Variants in NEDD4L observed in about 807,000 individuals in gnomAD.
The protein encoded by NEDD4L is E3 ubiquitin-protein ligase NEDD4-like.
A neutral mutation model predicts 148.9 loss-of-function variants in NEDD4L; 54 were observed. The ratio of observed to expected loss-of-function variants is 0.36; its 90% CI spans 0.29 to 0.45. The LOEUF (loss-of-function observed/expected upper bound fraction) is 0.45, where lower values mean the gene tolerates loss of function less well. NEDD4L is among the 20% of genes least tolerant of loss of function. The pLI is 1.00. For synonymous variants in NEDD4L, 433 were observed against 440.7 expected (o/e 0.98, Z 0.22); for missense variants, 856 against 1,233.8 (o/e 0.69, Z 4.59).
intron 2 of NEDD4L, among the ~76,000 whole-genome samples, chr18:58,169,010 C>T (rs975144584): frequency 2.0e-5 from 3 of 152,078 alleles, no homozygotes; most frequent in African/African-American, 7.2e-5. Context: ...CTTGCCCTTC[C>T]GAGGTGGTGA....
intron 25 of NEDD4L, among the ~76,000 whole-genome samples, chr18:58,384,601 C>T (rs1381071103): frequency 2.6e-5 from 4 of 152,176 alleles, no homozygotes; most frequent in Admixed American, 6.5e-5. Flanking sequence ...AGGGTTCAAA[C>T]GTGGTGGGAG....
In NEDD4L at chr18:58,303,586, A is replaced by G. The variant is rs192011892; in HGVS notation, c.298-12396A>G. 4.6e-3 allele frequency among the ~76,000 whole-genome samples: 706 copies of G among 152,262 alleles called. 17 individuals carry two copies. Among genetic ancestry groups the G allele is most frequent in the Admixed American group, 0.043 (662 of 15,296 alleles). On this transcript the variant is annotated intron_variant, in intron 5 of 30. Coordinates refer to ENST00000400345, the MANE Select transcript of NEDD4L (RefSeq NM_001144967.3). ...TTCCCTGGCAGCCACATAGTGAACT[A>G]TGTCACACTCTCTGTTTTACCCGTT...
At chr18:58,223,932 C>T (rs536406168) in intron 2 of NEDD4L, among the ~76,000 whole-genome samples, 3 of 152,172 alleles carry the variant, frequency 2.0e-5, no homozygotes, top group Non-Finnish European at 4.4e-5. Context: ...CTGTGCCTGG[C>T]CAGGTTTTCT....
chr18:58,242,993 A>G (rs1355686679), intron 2 of NEDD4L, among the ~76,000 whole-genome samples: 1 of 152,166 alleles, frequency 6.6e-6, no homozygotes, highest in Admixed American at 6.5e-5. Flanking sequence ...TGACTTCTTT[A>G]TTACTGCTGG....
intron 1 of NEDD4L, among the ~76,000 whole-genome samples, chr18:58,164,194 G>T (rs1013954292): frequency 6.6e-6 from 1 of 151,946 alleles, no homozygotes; most frequent in Non-Finnish European, 1.5e-5. Flanking sequence ...CCTCTGTAAA[G>T]AAGCCCCTTT....
Position 58,192,294 on chromosome 18 carries a change from A to G in NEDD4L, c.122+26433A>G, listed in dbSNP as rs564709698. Among the ~76,000 whole-genome samples, 65 of 152,334 alleles carry G rather than the reference A, an allele frequency of 4.3e-4. No homozygotes were observed. In the South Asian group the frequency reaches 0.011, roughly 25 times the overall value. ...ATCTTAACATACAGACATTAAATGC[A>G]TTGTTCAAGATCAGAAATGATTTCT... On this transcript the variant is annotated intron_variant, in intron 2 of 30. Transcript: ENST00000400345.
chr18:58,382,988 C>T (rs2146690120), intron 24 of NEDD4L, among the ~76,000 whole-genome samples: 1 of 152,278 alleles, frequency 6.6e-6, no homozygotes, highest in Admixed American at 6.5e-5. Flanking sequence ...TGTTGCTCTT[C>T]ATTATTGCTA....
chr18:58,091,176 C>G (rs1245111012), intron 1 of NEDD4L: 1 of 152,310 alleles, frequency 6.6e-6, no homozygotes, highest in Non-Finnish European at 1.5e-5. Context: ...CAACTCTTCT[C>G]AGACCTCCTG....
Position 58,100,894 on chromosome 18 carries a change from C to T in NEDD4L, c.48+56186C>T, listed in dbSNP as rs558841963. 4.6e-5 allele frequency among the ~76,000 whole-genome samples: 7 copies of T among 152,286 alleles called. 1 individual carries two copies. In the South Asian group the frequency reaches 1.2e-3, roughly 27 times the overall value. ...CGAATATGGCTCACTGCAGCCTTGA[C>T]CTCCTTGCTCAAGTGACCCTCTAGC... On this transcript the variant is annotated intron_variant, in intron 1 of 30. Transcript: ENST00000400345.
At chr18:58,271,544 C>T (rs915769962) in intron 5 of NEDD4L, among the ~76,000 whole-genome samples, 1 of 152,100 alleles carries the variant, frequency 6.6e-6, no homozygotes, top group South Asian at 2.1e-4. Flanking sequence ...TTAAAAGTTA[C>T]CCTTTTAGAG....
At chr18:58,377,369 C>T (rs1405657382) in intron 24 of NEDD4L, among the ~76,000 whole-genome samples, 1 of 152,218 alleles carries the variant, frequency 6.6e-6, no homozygotes, top group East Asian at 1.9e-4. Context: ...GACATGCAGT[C>T]AGCCTTCCAC....
chr18:58,158,308 C>T (rs1483566362), intron 1 of NEDD4L, among the ~76,000 whole-genome samples: 1 of 152,236 alleles, frequency 6.6e-6, no homozygotes, highest in Non-Finnish European at 1.5e-5. Context: ...GTGACCTAAT[C>T]TCCAAAGTCA....
intron 5 of NEDD4L, among the ~76,000 whole-genome samples, chr18:58,303,784 C>T (rs1266470909): frequency 6.6e-6 from 1 of 152,230 alleles, no homozygotes; most frequent in African/African-American, 2.4e-5. Context: ...ATAACTGTTT[C>T]ACTCTTGAGT....
Position 58,245,510 on chromosome 18 carries a change from TA to T in NEDD4L, c.204+3del. The T allele has an allele frequency of 6.7e-7, 1 of 1,502,236 alleles. No homozygotes were observed. The allele number at this position is 1,502,236 out of a possible 1,614,324, so 93.1% of individuals were successfully genotyped here. ...GTCCAGACAAAAACAATTAAAAAGGTAGGTGTCGATCTTTAACCAAATGTCA... is the reference window on the plus strand; with the variant it reads ...GTCCAGACAAAAACAATTAAAAAGGTGGTGTCGATCTTTAACCAAATGTCA... On this transcript the variant is annotated splice_donor_region_variant and intron_variant, in intron 3 of 30. Coordinates refer to ENST00000400345, the MANE Select transcript of NEDD4L (RefSeq NM_001144967.3).
At chr18:58,065,784 T>C (rs954602267) in intron 1 of NEDD4L, among the ~76,000 whole-genome samples, 2 of 152,248 alleles carry the variant, frequency 1.3e-5, no homozygotes, top group Non-Finnish European at 2.9e-5. Context: ...TCACTATGGT[T>C]GGCTTTGAAC....
At chr18:58,329,413 G>A (rs998965845) in intron 10 of NEDD4L, among the ~76,000 whole-genome samples, 19 of 152,056 alleles carry the variant, frequency 1.2e-4, no homozygotes, top group African/African-American at 4.6e-4. Context: ...CTAGAGTGCA[G>A]TGGTGCAGTC....
chr18:58,073,949 T>C (rs2083025755), intron 1 of NEDD4L, among the ~76,000 whole-genome samples: 1 of 152,186 alleles, frequency 6.6e-6, no homozygotes, highest in Non-Finnish European at 1.5e-5. Context: ...TAAGCTGAAA[T>C]ATCTGGCTTG....
intron 2 of NEDD4L, among the ~76,000 whole-genome samples, chr18:58,210,273 C>T (rs1159429654): frequency 6.6e-6 from 1 of 152,156 alleles, no homozygotes; most frequent in African/African-American, 2.4e-5. Context: ...AGCCCTGTGG[C>T]AACACATTTG....
rs559759557 is a variant in NEDD4L, at chr18:58,399,136, A to G, written c.*2867A>G. The G allele has an allele frequency of 1.3e-4, 20 of 152,158 alleles. No homozygotes were observed. Among genetic ancestry groups the G allele is most frequent in the African/African-American group, 4.6e-4 (19 of 41,416 alleles). 9.4% of individuals were successfully genotyped at this position (152,158 alleles called of 1,614,324 possible). ...CTGCCTGTGGGTCCCGGGTATTTCC[A>G]TTCCTGCCCCTTGTTGGCCCGAGGA... is the stretch of plus-strand genomic sequence containing the variant. On this transcript the variant is annotated 3_prime_UTR_variant, in exon 31 of 31. Transcript: ENST00000400345.
Sources: allele counts gnomAD v4.1 joint callset (sites outside exome capture counted in the v4.1 genomes callset), GRCh38; gene constraint gnomAD v4.1.1; transcripts MANE v1.5; gene names NCBI Gene and HGNC (gene_info 2026-07-23, HGNC 2026-07-21).